OR2C1: variants seen among roughly 807,000 people sequenced by gnomAD.
The protein encoded by OR2C1 is olfactory receptor family 2 subfamily C member 1, also known as olfactory receptor 2C1.
For synonymous variants in OR2C1, 209 were observed against 167.3 expected (o/e 1.25, Z -1.92); for missense variants, 468 against 388.3 (o/e 1.21, Z -1.73).
At chr16:3,323,630 A>C in the OR2C1 span, 14 of 721,324 alleles carry the variant, frequency 1.9e-5, no homozygotes, top group Middle Eastern at 3.0e-4. Flanking sequence ...CAGTAGACTC[A>C]CGCCAACAAT....
At chr16:3,333,209 CCATTTTTTTT>C in the OR2C1 span, among the ~76,000 whole-genome samples, 1 of 19,852 alleles carries the variant, frequency 5.0e-5, no homozygotes, top group Admixed American at 4.8e-4. Flanking sequence ...GATCTTTTGC[CCATTTTTTTT>C]TTTTTTTTTT....
chr16:3,326,736 C>G, the OR2C1 span, among the ~76,000 whole-genome samples: 8 of 152,172 alleles, frequency 5.3e-5, no homozygotes, highest in Non-Finnish European at 1.2e-4. Flanking sequence ...CCTATTGGGA[C>G]TTTTCTTGGA....
rs1336454185 is a variant in OR2C1, at chr16:3,356,398, T to C, written c.458T>C (p.Leu153Ser). The part of the protein sequence containing the change: ...LLAVIACLGG[L>S]GNSVIQSTFT... The stretch of plus-strand genomic sequence containing the variant: ...GCTGTGATTGCCTGCCTGGGTGGCT[T>C]GGGCAACTCTGTGATCCAGTCAACA... Residue 153 changes from leucine to serine, a missense_variant, in exon 1 of 1, where the codon TTG (leucine) becomes TCG (serine). Leu to Ser is a moderately radical substitution (Grantham distance 145). Coordinates refer to ENST00000304936, the MANE Select transcript of OR2C1 (RefSeq NM_012368.3). The C allele has an allele frequency of 5.0e-6, 8 of 1,613,804 alleles. No homozygotes were observed. The highest frequency in any genetic ancestry group is 1.7e-5 in the Admixed American group (1 of 60,028).
rs2030674449 is a variant in OR2C1, at chr16:3,356,369, G to A, written c.429G>A (p.Leu143=). The change falls in exon 1 of 1, where the codon CTG becomes CTA. Residue 143 remains leucine, a synonymous_variant. Coordinates refer to ENST00000304936, the MANE Select transcript of OR2C1 (RefSeq NM_012368.3). ...TCATGAACCCCCAGCTCTGCTGGCT[G>A]CTGGCTGTGATTGCCTGCCTGGGTG... ...TAIMNPQLCW[L]LAVIACLGGL... is the part of the protein sequence containing the mutation. 1 of 1,613,640 alleles carries A rather than the reference G, an allele frequency of 6.2e-7. No homozygotes were observed. The highest frequency in any genetic ancestry group is 8.5e-7 in the Non-Finnish European group (1 of 1,180,036).
In OR2C1 at chr16:3,356,924, G is replaced by A. The variant is rs375007953; in HGVS notation, c.*45G>A. 42 of 1,424,170 alleles carry A rather than the reference G, an allele frequency of 2.9e-5. No homozygotes were observed. The highest frequency in any genetic ancestry group is 3.8e-5 in the Non-Finnish European group (40 of 1,061,424). 88.2% of individuals were successfully genotyped at this position (1,424,170 alleles called of 1,614,324 possible). ...TTATTGCGTCTTCATCTCTACATGC[G>A]TTTCTCATTAACTCTCTCTGGCCAG... is the stretch of plus-strand genomic sequence containing the variant. On this transcript the variant is annotated 3_prime_UTR_variant, in exon 1 of 1. Coordinates refer to ENST00000304936, the MANE Select transcript of OR2C1 (RefSeq NM_012368.3).
At chr16:3,327,001 A>G in the OR2C1 span, among the ~76,000 whole-genome samples, 1 of 152,162 alleles carries the variant, frequency 6.6e-6, no homozygotes, top group Non-Finnish European at 1.5e-5. Flanking sequence ...GCCAATGTGA[A>G]TTGGGGTTTC....
the OR2C1 span, among the ~76,000 whole-genome samples, chr16:3,334,346 C>T: frequency 6.6e-6 from 1 of 151,114 alleles, no homozygotes; most frequent in Non-Finnish European, 1.5e-5. Context: ...CCATGTTGGC[C>T]AGGATGGTCT....
the OR2C1 span, among the ~76,000 whole-genome samples, chr16:3,333,139 A>G: frequency 6.8e-6 from 1 of 147,970 alleles, no homozygotes; most frequent in Non-Finnish European, 1.5e-5. Context: ...GATGATATTG[A>G]ACATTTTTTC....
chr16:3,328,363 G>A, the OR2C1 span, among the ~76,000 whole-genome samples: 1 of 152,164 alleles, frequency 6.6e-6, no homozygotes, highest in African/African-American at 2.4e-5. Context: ...AAATTAACCT[G>A]CTGACAAAAA....
upstream of OR2C1, among the ~76,000 whole-genome samples, chr16:3,352,908 A>ATT (rs113431996): frequency 2.7e-5 from 4 of 150,438 alleles, no homozygotes; most frequent in South Asian, 6.3e-4. Context: ...CGCCCGGATA[A>ATT]TTTTTTTTTA....
At chr16:3,357,558 T>TG (rs1186293378), downstream of OR2C1, among the ~76,000 whole-genome samples, 1 of 152,162 alleles carries the variant, frequency 6.6e-6, no homozygotes, top group Non-Finnish European at 1.5e-5. Context: ...TTTTTACAGA[T>TG]GGGGTCTCAC....
the OR2C1 span, among the ~76,000 whole-genome samples, chr16:3,333,606 A>C: frequency 6.6e-6 from 1 of 152,132 alleles, no homozygotes; most frequent in African/African-American, 2.4e-5. Context: ...AAGTGCTGGG[A>C]TTACAGGCGT....
the OR2C1 span, among the ~76,000 whole-genome samples, chr16:3,329,617 T>C: frequency 2.0e-5 from 3 of 149,868 alleles, no homozygotes; most frequent in Non-Finnish European, 4.4e-5. Flanking sequence ...ACCCGGCTAA[T>C]TTTTTGTATT....
the OR2C1 span, among the ~76,000 whole-genome samples, chr16:3,324,452 T>C: frequency 3.3e-5 from 5 of 152,040 alleles, no homozygotes; most frequent in Admixed American, 6.5e-5. Flanking sequence ...GCAGAGTTAA[T>C]AGATGGGCAA....
chr16:3,335,619 TG>T, the OR2C1 span, among the ~76,000 whole-genome samples: 1 of 145,046 alleles, frequency 6.9e-6, no homozygotes. Context: ...CTCCACCTCC[TG>T]GGTTCAAGTG....
chr16:3,343,989 T>TG, the OR2C1 span, among the ~76,000 whole-genome samples: 1 of 151,504 alleles, frequency 6.6e-6, no homozygotes, highest in African/African-American at 2.4e-5. Context: ...GAGGCCAATG[T>TG]GGGGGGATCA....
At chr16:3,327,836 G>T in the OR2C1 span, among the ~76,000 whole-genome samples, 1 of 151,708 alleles carries the variant, frequency 6.6e-6, no homozygotes, top group East Asian at 1.9e-4. Flanking sequence ...TTACTCACTT[G>T]CATTGGCTTT....
chr16:3,350,419 G>GTT, the OR2C1 span, among the ~76,000 whole-genome samples: 13 of 134,928 alleles, frequency 9.6e-5, no homozygotes, highest in East Asian at 2.9e-3. Flanking sequence ...TTTTTTTTGT[G>GTT]TTTTTTTTTT....
At chr16:3,326,558 C>T in the OR2C1 span, among the ~76,000 whole-genome samples, 54 of 152,308 alleles carry the variant, frequency 3.5e-4, no homozygotes, top group African/African-American at 1.1e-3. Context: ...TCCTAACATC[C>T]GTTTCACCCT....
Sources: gnomAD v4.1 joint callset for allele counts (sites outside exome capture counted in the v4.1 genomes callset) on GRCh38, gnomAD v4.1.1 for gene constraint, MANE v1.5 for transcripts, NCBI Gene and HGNC (gene_info 2026-07-23, HGNC 2026-07-21) for gene names.